RAD51B: variants seen among roughly 807,000 people sequenced by gnomAD.
RAD51B encodes DNA repair protein RAD51 homolog 2.
Under a neutral mutation model 42.2 loss-of-function variants are expected in RAD51B, and 38 were observed. The ratio of observed to expected loss-of-function variants is 0.90; its 90% CI spans 0.70 to 1.18. The LOEUF (loss-of-function observed/expected upper bound fraction) is 1.18, where lower values mean the gene tolerates loss of function less well. Among genes scored for constraint, RAD51B ranks in the 50% most tolerant of loss-of-function variants. The pLI, the probability that RAD51B is intolerant of heterozygous loss-of-function variation, is 0.00. For missense variants in RAD51B, 373 were observed against 400.7 expected, an observed-to-expected ratio of 0.93 and a Z score of 0.59; for synonymous variants, 154 against 145.2, an observed-to-expected ratio of 1.06 and a Z score of -0.43.
intron 7 of RAD51B, among the ~76,000 whole-genome samples, chr14:68,231,359 T>C (rs1045223038): frequency 3.3e-5 from 5 of 152,216 alleles, no homozygotes; most frequent in African/African-American, 9.6e-5. Flanking sequence ...TCCTCCAACC[T>C]TATTGAATCT....
chr14:68,372,763 A>G (rs984471624), intron 8 of RAD51B, among the ~76,000 whole-genome samples: 2 of 152,238 alleles, frequency 1.3e-5, no homozygotes, highest in Non-Finnish European at 2.9e-5. Context: ...AACACCAAAC[A>G]AGGATCTTAG....
intron 8 of RAD51B, among the ~76,000 whole-genome samples, chr14:68,399,645 A>G (rs1004096462): frequency 6.6e-6 from 1 of 152,196 alleles, no homozygotes; most frequent in Admixed American, 6.5e-5. Flanking sequence ...TTAACTTATT[A>G]TAATTATCTT....
At chr14:68,246,132 G>GA (rs2080492998) in intron 7 of RAD51B, among the ~76,000 whole-genome samples, 1 of 152,066 alleles carries the variant, frequency 6.6e-6, no homozygotes, top group Non-Finnish European at 1.5e-5. Flanking sequence ...TAGCTCCCAG[G>GA]AACACACAGT....
chr14:68,192,098 C>T (rs1399002037), intron 7 of RAD51B, among the ~76,000 whole-genome samples: 1 of 152,176 alleles, frequency 6.6e-6, no homozygotes, highest in Non-Finnish European at 1.5e-5. Flanking sequence ...ACCCAGACAT[C>T]TCTCTTCAAT....
chr14:68,488,324 AT>A (rs1883798603), intron 10 of RAD51B, among the ~76,000 whole-genome samples: 2 of 151,564 alleles, frequency 1.3e-5, no homozygotes, highest in Non-Finnish European at 2.9e-5. Context: ...GGACTGACAG[AT>A]TAGAGAGAGC....
At chr14:68,042,845 A>G (rs983907169) in intron 7 of RAD51B, among the ~76,000 whole-genome samples, 2 of 152,206 alleles carry the variant, frequency 1.3e-5, no homozygotes, top group Non-Finnish European at 2.9e-5. Context: ...ACATTTTACA[A>G]TTTCCATATT....
chr14:68,393,415 A>C (rs1015246432), intron 8 of RAD51B, among the ~76,000 whole-genome samples: 7 of 152,158 alleles, frequency 4.6e-5, no homozygotes, highest in African/African-American at 1.7e-4. Flanking sequence ...CTATTCTCAT[A>C]CTGAGGCTGT....
downstream of RAD51B, among the ~76,000 whole-genome samples, chr14:68,480,629 C>T (rs1048871286): frequency 5.3e-5 from 8 of 151,766 alleles, no homozygotes; most frequent in African/African-American, 1.9e-4. Context: ...GAAATTTCTC[C>T]TTGTCCCTTC....
chr14:68,159,828 AT>A (rs1208632812), intron 7 of RAD51B, among the ~76,000 whole-genome samples: 1 of 151,814 alleles, frequency 6.6e-6, no homozygotes, highest in Non-Finnish European at 1.5e-5. Context: ...TCAATTTTAG[AT>A]TTTCATTTTC....
chr14:67,883,167 T>C (rs1227426591), intron 5 of RAD51B, among the ~76,000 whole-genome samples: 1 of 152,214 alleles, frequency 6.6e-6, no homozygotes, highest in East Asian at 1.9e-4. Context: ...CCAGCTCTTA[T>C]CTGTGCTAGC....
chr14:68,665,319 C>A (rs1308305907), intron 11 of RAD51B, among the ~76,000 whole-genome samples: 1 of 152,266 alleles, frequency 6.6e-6, no homozygotes, highest in South Asian at 2.1e-4. Flanking sequence ...TGTTGCTCTG[C>A]CCTTCAGGCA....
intron 9 of RAD51B, among the ~76,000 whole-genome samples, chr14:68,427,895 A>T (rs1385488761): frequency 1.3e-5 from 2 of 152,226 alleles, no homozygotes; most frequent in Non-Finnish European, 2.9e-5. Flanking sequence ...GACCATTGTG[A>T]TAGTATTAAG....
chr14:67,944,556 A>G (rs1384424429), intron 7 of RAD51B, among the ~76,000 whole-genome samples: 6 of 152,164 alleles, frequency 3.9e-5, no homozygotes, highest in Non-Finnish European at 2.9e-5. Context: ...ACAGGTTTAC[A>G]TTAAAGAGTA....
At chr14:68,522,964 C>G (rs1015056518) in intron 10 of RAD51B, among the ~76,000 whole-genome samples, 5 of 152,232 alleles carry the variant, frequency 3.3e-5, no homozygotes, top group African/African-American at 9.6e-5. Flanking sequence ...GCCTGGAATG[C>G]ATTTGATGTT....
At chr14:67,861,987 G>A (rs531831025) in intron 4 of RAD51B, among the ~76,000 whole-genome samples, 2 of 151,962 alleles carry the variant, frequency 1.3e-5, no homozygotes, top group African/African-American at 2.4e-5. Context: ...GGGGGGAAGG[G>A]GGAATAGGGG....
At chr14:67,952,681 C>T (rs778559313) in intron 7 of RAD51B, among the ~76,000 whole-genome samples, 4 of 151,040 alleles carry the variant, frequency 2.6e-5, no homozygotes, top group Non-Finnish European at 4.4e-5. Flanking sequence ...GAAAAACTGG[C>T]CGGAAGTAGG....
chr14:68,138,141 A>C (rs2078048760), intron 7 of RAD51B, among the ~76,000 whole-genome samples: 1 of 89,664 alleles, frequency 1.1e-5, no homozygotes, highest in Admixed American at 1.0e-4. Context: ...ATTCCCATTT[A>C]GTATTTTTTT....
At chr14:68,151,577 A>G (rs953524667) in intron 7 of RAD51B, among the ~76,000 whole-genome samples, 1 of 151,734 alleles carries the variant, frequency 6.6e-6, no homozygotes, top group Non-Finnish European at 1.5e-5. Flanking sequence ...ACAGCTCACT[A>G]ATGTCCCACA....
At chr14:68,385,794 A>G (rs1393065479) in intron 8 of RAD51B, among the ~76,000 whole-genome samples, 3 of 152,230 alleles carry the variant, frequency 2.0e-5, no homozygotes, top group Non-Finnish European at 4.4e-5. Context: ...AGCTTTAAGT[A>G]TGAAAATGAT....
Sources: allele counts gnomAD v4.1 joint callset (sites outside exome capture counted in the v4.1 genomes callset), GRCh38; gene constraint gnomAD v4.1.1; transcripts MANE v1.5; gene names NCBI Gene and HGNC (gene_info 2026-07-23, HGNC 2026-07-21).